Variants in ADCY2 observed in about 807,000 individuals in gnomAD.
The protein encoded by ADCY2 is adenylate cyclase 2, also known as adenylate cyclase type 2.
Under a neutral mutation model 125.2 loss-of-function variants are expected in ADCY2, and 31 were observed. The ratio of observed to expected loss-of-function variants is 0.25; its 90% CI spans 0.19 to 0.33. The LOEUF (loss-of-function observed/expected upper bound fraction) is 0.33. Among genes scored for constraint, ADCY2 ranks in the 10% least tolerant of loss-of-function variants. ADCY2 has a pLI of 1.00. For synonymous variants in ADCY2, 512 were observed against 548.4 expected (o/e 0.93, Z 0.93); for missense variants, 904 against 1,418.2 (o/e 0.64, Z 5.82).
chr5:7,537,886 A>G (rs1734867342), intron 3 of ADCY2, among the ~76,000 whole-genome samples: 1 of 151,454 alleles, frequency 6.6e-6, no homozygotes, highest in Admixed American at 6.6e-5. Context: ...TCCTCTCCTC[A>G]CTGTTGTTAA....
chr5:7,473,243 G>A (rs1240960093), intron 2 of ADCY2, among the ~76,000 whole-genome samples: 1 of 152,176 alleles, frequency 6.6e-6, no homozygotes, highest in Non-Finnish European at 1.5e-5. Context: ...TTACGATTCT[G>A]CTGGATGCAC....
At chr5:7,611,413 C>T (rs113166548) in intron 3 of ADCY2, among the ~76,000 whole-genome samples, 5 of 152,054 alleles carry the variant, frequency 3.3e-5, no homozygotes, top group African/African-American at 1.2e-4. Flanking sequence ...AAAATTGGTA[C>T]CTCTGGACTA....
chr5:7,538,851 TTTTCTTTTCTTTTC>T (rs1734901899), intron 3 of ADCY2, among the ~76,000 whole-genome samples: 2 of 136,412 alleles, frequency 1.5e-5, no homozygotes, highest in Non-Finnish European at 1.6e-5. Flanking sequence ...TCTTTTTTTC[TTTTCTTTTCTTTTC>T]TTTTTTTTTT....
chr5:7,641,627 C>T (rs1054486270), intron 4 of ADCY2, among the ~76,000 whole-genome samples: 10 of 152,076 alleles, frequency 6.6e-5, no homozygotes, highest in Non-Finnish European at 1.2e-4. Flanking sequence ...TACCCAGGTA[C>T]TGAGCATAGC....
At chr5:7,777,631 T>A (rs1220364017) in intron 18 of ADCY2, among the ~76,000 whole-genome samples, 2 of 152,236 alleles carry the variant, frequency 1.3e-5, no homozygotes, top group African/African-American at 2.4e-5. Flanking sequence ...CCTCTGTACT[T>A]TGTCCTGCAT....
At chr5:7,822,933 C>T (rs984116926) in intron 24 of ADCY2, among the ~76,000 whole-genome samples, 3 of 152,214 alleles carry the variant, frequency 2.0e-5, no homozygotes, top group African/African-American at 7.2e-5. Flanking sequence ...GTGTGTGTCT[C>T]AGCTTAGCCA....
chr5:7,826,466 C>A, intron 24 of ADCY2: 1 of 578,848 alleles, frequency 1.7e-6, no homozygotes, highest in Non-Finnish European at 3.2e-6. Context: ...ATCATGGTAG[C>A]ACCGTAGTTT....
chr5:7,450,050 A>T (rs1224088302), intron 2 of ADCY2, among the ~76,000 whole-genome samples: 1 of 152,144 alleles, frequency 6.6e-6, no homozygotes, highest in Non-Finnish European at 1.5e-5. Flanking sequence ...TTATTCCCAG[A>T]GACATGACAA....
At chr5:7,503,867 A>G (rs530213337) in intron 2 of ADCY2, among the ~76,000 whole-genome samples, 1 of 152,358 alleles carries the variant, frequency 6.6e-6, no homozygotes, top group South Asian at 2.1e-4. Context: ...CTTTTTAAAA[A>G]GAAGGCAGGG....
chr5:7,507,907 GT>G (rs1441443202), intron 2 of ADCY2, among the ~76,000 whole-genome samples: 1 of 151,526 alleles, frequency 6.6e-6, no homozygotes, highest in Non-Finnish European at 1.5e-5. Flanking sequence ...TCAGTACCTT[GT>G]TTTTCCCAAT....
chr5:7,396,560 G>C lies in ADCY2; in HGVS notation c.210+54G>C, dbSNP rs2111425646. 1 of 1,455,208 alleles carries C rather than the reference G, an allele frequency of 6.9e-7. No individual in the cohort carries two copies. Among genetic ancestry groups the C allele is most frequent in the East Asian group, 3.1e-5 (1 of 32,662 alleles). 90.1% of individuals were successfully genotyped at this position (1,455,208 alleles called of 1,614,324 possible). On this transcript the variant is annotated intron_variant, in intron 1 of 24. Transcript: ENST00000338316. The surrounding 1 kb of genome is among the most constrained non-coding windows in gnomAD (Gnocchi z 5.7). ...CGCGCCTTCCCCGGCCCTGAGAGGAGCCCGGCCAGCCGAGCCGCGTCCCGC... is the reference window on the plus strand; with the variant it reads ...CGCGCCTTCCCCGGCCCTGAGAGGACCCCGGCCAGCCGAGCCGCGTCCCGC...
intron 2 of ADCY2, among the ~76,000 whole-genome samples, chr5:7,442,781 T>C (rs532770652): frequency 6.6e-6 from 1 of 152,350 alleles, no homozygotes; most frequent in African/African-American, 2.4e-5. Context: ...AATTGTTAAC[T>C]TTCTCAACAA....
chr5:7,411,194 CTGTT>C (rs1338249111), intron 1 of ADCY2, among the ~76,000 whole-genome samples: 1 of 152,186 alleles, frequency 6.6e-6, no homozygotes, highest in African/African-American at 2.4e-5. Context: ...TGAAGAGTCT[CTGTT>C]TTTCAGTGGG....
chr5:7,523,232 C>A (rs1265992760), intron 3 of ADCY2, among the ~76,000 whole-genome samples: 2 of 150,444 alleles, frequency 1.3e-5, no homozygotes, highest in Non-Finnish European at 2.9e-5. Context: ...GCATGAAGAA[C>A]TTTATGTATT....
rs1744369146 is a variant in ADCY2, at chr5:7,519,550, G to T, written c.409-1188G>T. On this transcript the variant is annotated intron_variant, in intron 2 of 24. Coordinates refer to ENST00000338316, the MANE Select transcript of ADCY2 (RefSeq NM_020546.3). ...TTGTTCACCTTTCATCCTTTTTGAT[G>T]TTCTTCTATCTCTGCTCCTTTTGTA... Among the ~76,000 whole-genome samples the T allele has an allele frequency of 2.6e-5, 4 of 152,120 alleles. No individual in the cohort carries two copies. In the South Asian group the frequency reaches 8.3e-4, roughly 31 times the overall value.
At chr5:7,482,489 G>A (rs1347113247) in intron 2 of ADCY2, among the ~76,000 whole-genome samples, 1 of 151,908 alleles carries the variant, frequency 6.6e-6, no homozygotes, top group East Asian at 1.9e-4. Context: ...TGAAGATGTG[G>A]AGCAAACTCT....
At chr5:7,431,383 A>T (rs1162870507) in intron 2 of ADCY2, among the ~76,000 whole-genome samples, 4 of 152,340 alleles carry the variant, frequency 2.6e-5, no homozygotes, top group Middle Eastern at 3.4e-3. Flanking sequence ...CACACAATGT[A>T]TAAAAGTTAA....
intron 2 of ADCY2, among the ~76,000 whole-genome samples, chr5:7,481,701 A>G (rs545078442): frequency 6.6e-6 from 1 of 152,178 alleles, no homozygotes; most frequent in South Asian, 2.1e-4. Context: ...TCTGGTTATT[A>G]ATTCCTTGTC....
intron 4 of ADCY2, among the ~76,000 whole-genome samples, chr5:7,683,175 A>G (rs1011910654): frequency 6.6e-6 from 1 of 152,130 alleles, no homozygotes; most frequent in Non-Finnish European, 1.5e-5. Context: ...CCAAGGCTCA[A>G]CCTCCTCTTA....
Sources: gnomAD v4.1 joint callset for allele counts (sites outside exome capture counted in the v4.1 genomes callset) on GRCh38, gnomAD v4.1.1 for gene constraint, Gnocchi (gnomAD v3.1) non-coding constraint, MANE v1.5 for transcripts, NCBI Gene and HGNC (gene_info 2026-07-23, HGNC 2026-07-21) for gene names.